The following DGKB variants were observed in gnomAD, a reference collection of about 807,000 sequenced individuals.
DGKB encodes the protein diacylglycerol kinase beta.
A neutral mutation model predicts 114.3 loss-of-function variants in DGKB; 67 were observed. The observed-to-expected ratio is 0.59, with a 90% CI of 0.48 to 0.72. DGKB has a LOEUF of 0.72. DGKB is among the 30% of genes least tolerant of loss of function. The pLI, the probability that DGKB is intolerant of heterozygous loss-of-function variation, is 0.00. For synonymous variants in DGKB, 398 were observed against 323.1 expected (o/e 1.23, Z -2.49); for missense variants, 907 against 975.2 (o/e 0.93, Z 0.93).
intron 5 of DGKB, among the ~76,000 whole-genome samples, chr7:14,729,339 G>T (rs192789184): frequency 1.3e-5 from 2 of 151,660 alleles, no homozygotes; most frequent in Admixed American, 6.6e-5. Context: ...AGCCAGGATG[G>T]TCTCGATCTC....
chr7:14,903,201 G>C (rs1406770235), upstream of DGKB: 1 of 144,570 alleles, frequency 6.9e-6, no homozygotes, highest in African/African-American at 2.6e-5. Context: ...GTTGATATTG[G>C]AAGTCTGTGC....
At position 14,679,884 on chromosome 7, in the gene DGKB, A is replaced by C. The variant is rs564276286; in HGVS notation, c.1035+2669T>G. ...TATATCCTGTTTAACCAAGGCACAAAATCAATAATTAAGTAAATGTGTCCC... is the reference window on the plus strand; with the variant it reads ...TATATCCTGTTTAACCAAGGCACAACATCAATAATTAAGTAAATGTGTCCC... On this transcript the variant is annotated intron_variant, in intron 12 of 25. Transcript: ENST00000402815. Among the ~76,000 whole-genome samples, 25 of 152,174 alleles carry C rather than the reference A, an allele frequency of 1.6e-4. No individual in the cohort carries two copies. In the East Asian group the frequency reaches 4.8e-3, roughly 29 times the overall value.
Position 14,188,596 on chromosome 7 carries a change from C to G in DGKB, c.2123-10445G>C, listed in dbSNP as rs542887976. ...AATGGCGTGAACCCGGGAGGCGGAGCTTGCAGTGAGCCTAGATCCCGCCAC... is the reference window on the plus strand; with the variant it reads ...AATGGCGTGAACCCGGGAGGCGGAGGTTGCAGTGAGCCTAGATCCCGCCAC... On this transcript the variant is annotated intron_variant, in intron 23 of 25. Transcript: ENST00000402815. Among the ~76,000 whole-genome samples, 5 of 109,456 alleles carry G rather than the reference C, an allele frequency of 4.6e-5. No homozygotes were observed. The South Asian group carries it at 7.9e-4, about 17-fold the overall frequency. 71.8% of individuals were successfully genotyped at this position (109,456 alleles called of 152,430 possible).
At chr7:14,362,476 A>T (rs1815929740) in intron 21 of DGKB, among the ~76,000 whole-genome samples, 1 of 152,100 alleles carries the variant, frequency 6.6e-6, no homozygotes, top group Non-Finnish European at 1.5e-5. Context: ...TGCATGAAGC[A>T]CTATTCTAGT....
At chr7:14,235,932 G>GCACACAGTGCAAAAAACACA in intron 23 of DGKB, among the ~76,000 whole-genome samples, 1 of 151,964 alleles carries the variant, frequency 6.6e-6, no homozygotes, top group South Asian at 2.1e-4. Flanking sequence ...ATATATGGAC[G>GCACACAGTGCAAAAAACACA]CACACACTGC....
chr7:14,621,946 C>T (rs906416626), intron 14 of DGKB, among the ~76,000 whole-genome samples: 1 of 151,958 alleles, frequency 6.6e-6, no homozygotes, highest in African/African-American at 2.4e-5. Flanking sequence ...TCAAAAATAG[C>T]ATATATCTTA....
At chr7:14,838,184 T>C (rs1030522528) in intron 2 of DGKB, among the ~76,000 whole-genome samples, 33 of 152,190 alleles carry the variant, frequency 2.2e-4, no homozygotes, top group Non-Finnish European at 4.0e-4. Context: ...TAATTAAATG[T>C]ACCTCCATAT....
At chr7:14,154,531 C>T (rs895029954) in intron 25 of DGKB, among the ~76,000 whole-genome samples, 11 of 151,452 alleles carry the variant, frequency 7.3e-5, no homozygotes, top group Non-Finnish European at 1.3e-4. Flanking sequence ...TCAATGTGCA[C>T]GAAATGCTTA....
At chr7:14,289,868 G>A (rs1376705740) in intron 23 of DGKB, among the ~76,000 whole-genome samples, 1 of 151,790 alleles carries the variant, frequency 6.6e-6, no homozygotes, top group Non-Finnish European at 1.5e-5. Flanking sequence ...ACGGAACTTT[G>A]CAAATCAAAT....
At chr7:14,606,118 T>C (rs1804459388) in intron 17 of DGKB, among the ~76,000 whole-genome samples, 2 of 152,140 alleles carry the variant, frequency 1.3e-5, no homozygotes, top group African/African-American at 4.8e-5. Flanking sequence ...AGAGCTACTT[T>C]TTTGAAGTCC....
chr7:14,160,965 G>T (rs1562499432), intron 25 of DGKB, among the ~76,000 whole-genome samples: 1 of 151,726 alleles, frequency 6.6e-6, no homozygotes, highest in Admixed American at 6.6e-5. Flanking sequence ...AAATCTACAA[G>T]AAAAAAACAA....
chr7:14,145,757 A>C lies in DGKB; in HGVS notation c.*3374T>G, dbSNP rs1781413875. 1 of 152,194 alleles carries C rather than the reference A, an allele frequency of 6.6e-6. No individual in the cohort carries two copies. Among genetic ancestry groups the C allele is most frequent in the African/African-American group, 2.4e-5 (1 of 41,450 alleles). The allele number at this position is 152,194 out of a possible 1,614,324, so 9.4% of individuals were successfully genotyped here. A position where few individuals can be genotyped will look rare whatever the true frequency, so the allele number is the denominator to read the frequency against. ...CAGGCGTAAGCCATTGCGCCTGGCC[A>C]CATTTTCCTTTTTATAACCAATGAA... On this transcript the variant is annotated 3_prime_UTR_variant, in exon 26 of 26. Transcript: ENST00000402815.
chr7:14,251,626 T>A (rs1795252669), intron 23 of DGKB, among the ~76,000 whole-genome samples: 1 of 152,164 alleles, frequency 6.6e-6, no homozygotes. Context: ...GCTTTTATGT[T>A]AATTAGCCTT....
At chr7:14,410,934 T>A (rs1824764767) in intron 21 of DGKB, among the ~76,000 whole-genome samples, 1 of 152,154 alleles carries the variant, frequency 6.6e-6, no homozygotes, top group Admixed American at 6.5e-5. Flanking sequence ...CTTAAAATGA[T>A]TGTTTTGACT....
intron 2 of DGKB, among the ~76,000 whole-genome samples, chr7:14,773,578 A>G (rs1296540636): frequency 6.6e-6 from 1 of 152,132 alleles, no homozygotes; most frequent in Non-Finnish European, 1.5e-5. Flanking sequence ...GGACAGTCCA[A>G]CTAAACTGGA....
intron 25 of DGKB, among the ~76,000 whole-genome samples, chr7:14,175,141 A>G (rs970649520): frequency 6.6e-6 from 1 of 152,186 alleles, no homozygotes; most frequent in Non-Finnish European, 1.5e-5. Flanking sequence ...TTAATTAAAG[A>G]GTCTTGGATT....
chr7:14,788,128 A>C (rs1332826400), intron 2 of DGKB, among the ~76,000 whole-genome samples: 3 of 152,228 alleles, frequency 2.0e-5, no homozygotes, highest in Admixed American at 2.0e-4. Flanking sequence ...TATCCCAGAC[A>C]AAACCTTCTT....
intron 1 of DGKB, 83 bp downstream of exon 1, chr7:14,902,509 C>A (rs1558319): frequency 0.68 from 103,553 of 152,216 alleles, 35,773 homozygotes; most frequent in Non-Finnish European, 0.73. Context: ...TAACTTTCCT[C>A]CCCATTTCTT....
intron 21 of DGKB, among the ~76,000 whole-genome samples, chr7:14,387,206 G>A (rs10435058): frequency 0.48 from 72,621 of 151,530 alleles, 19,322 homozygotes; most frequent in Middle Eastern, 0.6. Flanking sequence ...CGTGGATCAC[G>A]AGGTCAGGAG....
Sources: gnomAD v4.1 joint callset for allele counts (sites outside exome capture counted in the v4.1 genomes callset) on GRCh38, gnomAD v4.1.1 for gene constraint, MANE v1.5 for transcripts, NCBI Gene and HGNC (gene_info 2026-07-23, HGNC 2026-07-21) for gene names.